SPTB: variants seen among roughly 807,000 people sequenced by gnomAD.
The protein encoded by SPTB is spectrin beta chain, erythrocytic.
SPTB carries 45 observed loss-of-function variants against 256.2 expected under a neutral mutation model. That is an observed-to-expected ratio of 0.18 (90% confidence interval 0.14 to 0.23). The LOEUF (loss-of-function observed/expected upper bound fraction) is 0.23, where lower values mean the gene tolerates loss of function less well. Among genes scored for constraint, SPTB ranks in the 10% least tolerant of loss-of-function variants. The pLI is 1.00. For missense variants in SPTB, 2,715 were observed against 3,040.4 expected, an observed-to-expected ratio of 0.89 and a Z score of 2.52; for synonymous variants, 1,231 against 1,243.1, an observed-to-expected ratio of 0.99 and a Z score of 0.21.
chr14:64,782,452 T>C lies in SPTB; in HGVS notation c.4104A>G (p.Thr1368=). 6.2e-7 allele frequency: 1 copy of C among 1,614,120 alleles called. No homozygotes were observed. ...CCGAGAGGTGCTGGGTCTTCTCCTTTGTGGTGGCCTGCAGCTCGTCCCAGA... is the reference window on the plus strand; with the variant it reads ...CCGAGAGGTGCTGGGTCTTCTCCTTCGTGGTGGCCTGCAGCTCGTCCCAGA... ...HRLWDELQAT[T]KEKTQHLSAA... is the part of the protein sequence containing the mutation. The change falls in exon 20 of 36, where the codon ACA becomes ACG. Residue 1368 remains threonine (T), a synonymous_variant. Transcript: ENST00000644917.
intron 26 of SPTB, 23 bp from the exon 27 acceptor site, chr14:64,771,152 A>G (rs778144354): frequency 6.2e-7 from 1 of 1,612,518 alleles, no homozygotes; most frequent in Non-Finnish European, 8.5e-7. Flanking sequence ...AAAATCAGAC[A>G]TTGTTCCCTG....
intron 25 of SPTB, 32 bp downstream of exon 25, chr14:64,773,188 A>G (rs769128858): frequency 1.2e-6 from 2 of 1,613,874 alleles, no homozygotes; most frequent in Non-Finnish European, 1.7e-6. Context: ...CATTAGAGAA[A>G]GACAAAAACA....
rs540606386 is a variant in SPTB, at chr14:64,860,082, T to C, written c.-52+19710A>G. Among the ~76,000 whole-genome samples the C allele has an allele frequency of 4.6e-5, 7 of 152,310 alleles. No homozygotes were observed. In the South Asian group the frequency reaches 8.3e-4, roughly 18 times the overall value. ...ATTGCAGCAAATATGGCCTGATCCTTGAGCTTCTGACCTTCCCAAAAATAG... is the reference window on the plus strand; with the variant it reads ...ATTGCAGCAAATATGGCCTGATCCTCGAGCTTCTGACCTTCCCAAAAATAG... On this transcript the variant is annotated intron_variant, in intron 1 of 35. Coordinates refer to ENST00000644917, the MANE Select transcript of SPTB (RefSeq NM_001355436.2).
intron 33 of SPTB, among the ~76,000 whole-genome samples, chr14:64,753,260 C>T (rs954714488): frequency 6.6e-6 from 1 of 152,192 alleles, no homozygotes; most frequent in Non-Finnish European, 1.5e-5. Flanking sequence ...ATACTGTTCT[C>T]ATCCTCTCCT....
intron 32 of SPTB, 94 bp from the exon 33 acceptor site, chr14:64,753,887 T>C (rs2139432759): frequency 6.6e-7 from 1 of 1,525,256 alleles, no homozygotes; most frequent in Non-Finnish European, 8.9e-7. Flanking sequence ...AGCCACCCTC[T>C]CCACACCCCC....
chr14:64,791,692 C>G (rs903832730), intron 15 of SPTB, 27 bp downstream of exon 15: 1 of 1,613,984 alleles, frequency 6.2e-7, no homozygotes, highest in Middle Eastern at 1.7e-4. Context: ...GACAATGCCC[C>G]CGCCCCATGC....
intron 2 of SPTB, among the ~76,000 whole-genome samples, chr14:64,811,585 G>A (rs1158494506): frequency 6.6e-6 from 1 of 152,166 alleles, no homozygotes; most frequent in African/African-American, 2.4e-5. Flanking sequence ...TAATTAGGGG[G>A]AAAGTATGAT....
At chr14:64,780,268 CACAA>C (rs1474475316) in intron 20 of SPTB, among the ~76,000 whole-genome samples, 3 of 152,170 alleles carry the variant, frequency 2.0e-5, no homozygotes, top group African/African-American at 7.2e-5. Context: ...TCAGAGAAGA[CACAA>C]ACAAATGGAA....
rs565280608 is a variant in SPTB at position 64,798,352 on chromosome 14, G to C, written c.1065-506C>G. ...CAGGTCCTAATGAGCCAGATCTCCT[G>C]ACAAGTCCTACAGGCCAGATGCTTC... is the stretch of plus-strand genomic sequence containing the variant. On this transcript the variant is annotated intron_variant, in intron 9 of 35. Coordinates refer to ENST00000644917, the MANE Select transcript of SPTB (RefSeq NM_001355436.2). 2.3e-3 allele frequency among the ~76,000 whole-genome samples: 344 copies of C among 152,272 alleles called. 2 individuals carry two copies. The highest frequency in any genetic ancestry group is 8.0e-3 in the African/African-American group (333 of 41,536).
Position 64,760,021 on chromosome 14 carries a change from A to G in SPTB, c.6346-6228T>C, listed in dbSNP as rs953148966. On this transcript the variant is annotated intron_variant, in intron 32 of 35. Transcript: ENST00000644917. The surrounding 1 kb of genome is among the most constrained non-coding windows in gnomAD (Gnocchi z 4.3). The stretch of plus-strand genomic sequence containing the variant: ...TGACATCAGAGGAGGGCAGGGGACA[A>G]GCAGCATTGGTTGCTGGTTGACAGG... Among the ~76,000 whole-genome samples, 1 of 152,118 alleles carries G rather than the reference A, an allele frequency of 6.6e-6. No individual in the cohort carries two copies. Among genetic ancestry groups the G allele is most frequent in the Non-Finnish European group, 1.5e-5 (1 of 68,032 alleles).
chr14:64,757,863 G>A (rs573713485), intron 32 of SPTB, among the ~76,000 whole-genome samples: 3 of 152,316 alleles, frequency 2.0e-5, no homozygotes, highest in South Asian at 2.1e-4. Flanking sequence ...CAGAGACACC[G>A]ATGAGCTCTC....
At chr14:64,842,594 A>AT (rs1257866239) in intron 1 of SPTB, among the ~76,000 whole-genome samples, 2 of 152,204 alleles carry the variant, frequency 1.3e-5, no homozygotes, top group Non-Finnish European at 2.9e-5. Context: ...AAATGAGATA[A>AT]TGTATTTAAA....
Position 64,785,328 on chromosome 14 carries a change from G to A in SPTB, c.3855+209C>T, listed in dbSNP as rs2082544362. On this transcript the variant is annotated intron_variant, in intron 18 of 35. Transcript: ENST00000644917. This position sits in a 1 kb window ranked among gnomAD's most constrained non-coding sequence, Gnocchi z 4.4. ...AGAAACTCTGGCCTAGACTTGACAG[G>A]TTAAGGATGACTTTTCAGATTTGAA... is the stretch of plus-strand genomic sequence containing the variant. 6.6e-6 allele frequency among the ~76,000 whole-genome samples: 1 copy of A among 151,462 alleles called. No individual in the cohort carries two copies. Among genetic ancestry groups the A allele is most frequent in the Non-Finnish European group, 1.5e-5 (1 of 67,890 alleles).
intron 32 of SPTB, among the ~76,000 whole-genome samples, chr14:64,763,596 G>A (rs1226923879): frequency 2.0e-5 from 3 of 152,240 alleles, no homozygotes; most frequent in Non-Finnish European, 4.4e-5. Flanking sequence ...GGCTTTATAA[G>A]AGCGCGGAGA....
chr14:64,773,466 C>T lies in SPTB; in HGVS notation c.4974-42G>A, dbSNP rs114414660. ...AAAAGGCCCTCAGAGACGGCAGCCA[C>T]GAACCCAGAGCCGTGGCTCCAGGGA... On this transcript the variant is annotated intron_variant, in intron 24 of 35. Transcript: ENST00000644917. The T allele has an allele frequency of 1.2e-3, 1,933 of 1,605,870 alleles. 20 individuals are homozygous for T. In the African/African-American group the frequency reaches 0.022, roughly 19 times the overall value.
At position 64,749,681 on chromosome 14, in the gene SPTB, G is replaced by A. The variant is rs767541230; in HGVS notation, c.6792C>T (p.Ser2264=). Residue 2264 remains serine, a synonymous_variant, in exon 35 of 36, where the codon AGC becomes AGT. Transcript: ENST00000644917. The surrounding 1 kb of genome is among the most constrained non-coding windows in gnomAD (Gnocchi z 4.7). The part of the protein sequence containing the change: ...HVFKLRLSNG[S]EWLFHGKDEE... ...CATCCTTGCCATGGAAGAGCCACTC[G>A]CTGCCATTACTCAGCCTAGGAGGAC... is the stretch of plus-strand genomic sequence containing the variant. 3.1e-6 allele frequency: 5 copies of A among 1,613,668 alleles called. No homozygotes were observed. Among genetic ancestry groups the A allele is most frequent in the African/African-American group, 1.3e-5 (1 of 74,912 alleles).
At chr14:64,766,881 G>A in intron 31 of SPTB, 80 bp from the exon 32 acceptor site, 2 of 1,558,134 alleles carry the variant, frequency 1.3e-6, no homozygotes, top group Non-Finnish European at 8.8e-7. Context: ...CTTTTCACCT[G>A]CGCCCACAGG....
chr14:64,765,297 C>T (rs1164296778), intron 32 of SPTB, among the ~76,000 whole-genome samples: 2 of 152,108 alleles, frequency 1.3e-5, no homozygotes, highest in Non-Finnish European at 2.9e-5. Context: ...CAGCCTGCCA[C>T]AGCGGGGACA....
intron 1 of SPTB, among the ~76,000 whole-genome samples, chr14:64,876,683 T>C (rs1882840625): frequency 6.6e-6 from 1 of 152,120 alleles, no homozygotes; most frequent in South Asian, 2.1e-4. Context: ...ATGGGGGAGA[T>C]TATAGAACAG....
Sources: gnomAD v4.1 joint callset for allele counts (sites outside exome capture counted in the v4.1 genomes callset) on GRCh38, gnomAD v4.1.1 for gene constraint, Gnocchi (gnomAD v3.1) non-coding constraint, MANE v1.5 for transcripts, NCBI Gene and HGNC (gene_info 2026-07-23, HGNC 2026-07-21) for gene names.